TAF1: variants seen among roughly 807,000 people sequenced by gnomAD.
The protein encoded by TAF1 is TATA-box binding protein associated factor 1.
Under a neutral mutation model 138.5 loss-of-function variants are expected in TAF1, and 2 were observed. The ratio of observed to expected loss-of-function variants is 0.01; its 90% CI spans 0.01 to 0.05. TAF1 has a LOEUF of 0.05. Ranked by LOEUF, TAF1 falls within the 10% of genes least tolerant of loss-of-function variation. The probability of loss-of-function intolerance (pLI) is 1.00; values close to 1 mark genes in which losing one functional copy is unlikely to be tolerated. For synonymous variants in TAF1, 437 were observed against 503.2 expected (o/e 0.87, Z 1.76); for missense variants, 709 against 1,478.0 (o/e 0.48, Z 8.53).
intron 13 of TAF1, among the ~76,000 whole-genome samples, chrX:71,512,028 AAGG>A (rs1369163135): frequency 9.4e-6 from 1 of 106,093 alleles, no homozygotes; most frequent in Non-Finnish European, 1.9e-5. Flanking sequence ...AAAAAAAAAA[AAGG>A]GGGCTGGGCA....
intron 28 of TAF1, chrX:71,420,286 C>A: frequency 9.2e-7 from 1 of 1,082,313 alleles, no homozygotes. Context: ...ATTTGCCTTC[C>A]TCTAAATAGG....
chrX:71,478,322 C>T (rs1008303200), intron 13 of TAF1, among the ~76,000 whole-genome samples: 1 of 110,912 alleles, frequency 9.0e-6, no homozygotes, highest in Non-Finnish European at 1.9e-5. Context: ...CCACTGCACT[C>T]CAGCCTGGGC....
intron 25 of TAF1, among the ~76,000 whole-genome samples, chrX:71,404,487 G>A (rs1275331522): frequency 9.1e-6 from 1 of 110,398 alleles, no homozygotes; most frequent in Non-Finnish European, 1.9e-5. Flanking sequence ...ACAGGCACGT[G>A]CCACCTTGCC....
At chrX:71,408,628 C>T (rs1044528932) in intron 28 of TAF1, among the ~76,000 whole-genome samples, 53 of 111,816 alleles carry the variant, frequency 4.7e-4, no homozygotes, top group African/African-American at 1.7e-3. Flanking sequence ...CTTTTTATTC[C>T]CACTGTTTAA....
Position 71,465,686 on chromosome X carries a change from G to T in TAF1, c.*1640G>T, listed in dbSNP as rs1479182989. ...GCTCTTAGAGGAGTGATATAATCAG[G>T]TTTGTGTTTTAGAAATCTGTGTAAT... On this transcript the variant is annotated 3_prime_UTR_variant, in exon 38 of 38. Coordinates refer to ENST00000423759, the MANE Select transcript of TAF1 (RefSeq NM_004606.5). 1 of 112,148 alleles carries T rather than the reference G, an allele frequency of 8.9e-6. No individual in the cohort carries two copies. Among genetic ancestry groups the T allele is most frequent in the African/African-American group, 3.2e-5 (1 of 30,882 alleles). 9.2% of individuals were successfully genotyped at this position (112,148 alleles called of 1,213,427 possible).
chrX:71,416,448 G>A (rs958826919), intron 28 of TAF1, among the ~76,000 whole-genome samples: 148 of 105,552 alleles, frequency 1.4e-3, no homozygotes, highest in Non-Finnish European at 2.2e-3. Context: ...AGCCCACTAG[G>A]GGTTGCTCTC....
chrX:71,418,191 C>T (rs1333734832), intron 28 of TAF1, among the ~76,000 whole-genome samples: 2 of 111,732 alleles, frequency 1.8e-5, no homozygotes, highest in Admixed American at 9.5e-5. Flanking sequence ...CCTCCTGGGC[C>T]GAAGCAATCC....
At position 71,377,196 on chromosome X, in the gene TAF1, A is replaced by AT. The variant is rs1480149847; in HGVS notation, c.714+7dup. The AT allele has an allele frequency of 1.8e-5, 22 of 1,209,183 alleles. No homozygotes were observed. The highest frequency in any genetic ancestry group is 2.3e-5 in the Non-Finnish European group (21 of 894,790). ...CCAGAATTTCGACCTGGAAAGGTAC[A>AT]TTCTGTGGAGAATGCTCAGATTGCA... On this transcript the variant is annotated splice_donor_region_variant and intron_variant, in intron 5 of 37. Coordinates refer to ENST00000423759, the MANE Select transcript of TAF1 (RefSeq NM_004606.5).
chrX:71,464,457 C>T lies in TAF1; in HGVS notation c.*411C>T, dbSNP rs1000493672. ...TGGTGGCTCACACCTGTAATCTCAG[C>T]ACTCTGGGAGGCCGAGGCGGGCAGA... On this transcript the variant is annotated 3_prime_UTR_variant, in exon 38 of 38. Transcript: ENST00000423759. 3.2e-6 allele frequency: 1 copy of T among 311,021 alleles called. No individual in the cohort carries two copies. Among genetic ancestry groups the T allele is most frequent in the African/African-American group, 2.7e-5 (1 of 36,567 alleles). The allele number at this position is 311,021 out of a possible 1,213,427, so 25.6% of individuals were successfully genotyped here.
At chrX:71,440,884 A>T (rs1300575973) in intron 32 of TAF1, among the ~76,000 whole-genome samples, 3 of 110,481 alleles carry the variant, frequency 2.7e-5, no homozygotes, top group African/African-American at 9.9e-5. Flanking sequence ...GCATCTTTTC[A>T]TGTGCCATCT....
chrX:71,454,272 A>C, intron 33 of TAF1, 35 bp downstream of exon 33: 1 of 1,142,935 alleles, frequency 8.7e-7, no homozygotes. Context: ...AAGCCTGGGC[A>C]ACATAAGGAG....
chrX:71,499,102 A>G (rs2039448712), intron 13 of TAF1, among the ~76,000 whole-genome samples: 1 of 110,891 alleles, frequency 9.0e-6, no homozygotes, highest in South Asian at 3.9e-4. Flanking sequence ...TGCACCTTCC[A>G]GTGATTGGCT....
chrX:71,529,901 G>A (rs973394457), exon 15 of TAF1: 4 of 247,702 alleles, frequency 1.6e-5, no homozygotes, highest in African/African-American at 1.1e-4. Flanking sequence ...CATCTTTAAA[G>A]ACTGTTGGTG....
At chrX:71,428,011 AT>A (rs779199962) in intron 32 of TAF1, among the ~76,000 whole-genome samples, 16,104 of 74,094 alleles carry the variant, frequency 0.22, 1,731 homozygotes, top group East Asian at 0.39. Flanking sequence ...GATTAGCTCA[AT>A]TTTTTTTTTT....
intron 8 of TAF1, among the ~76,000 whole-genome samples, chrX:71,380,667 G>A (rs1441509678): frequency 3.6e-5 from 4 of 111,947 alleles, no homozygotes; most frequent in Non-Finnish European, 7.5e-5. Flanking sequence ...TAGAAAGCTG[G>A]ATTACTTTTA....
chrX:71,486,693 T>A (rs1306350926), intron 13 of TAF1, among the ~76,000 whole-genome samples: 2 of 110,896 alleles, frequency 1.8e-5, no homozygotes, highest in Non-Finnish European at 3.8e-5. Context: ...TTGCTGTAAG[T>A]CTAGTCAGAT....
chrX:71,487,317 A>ATTTTTTT (rs60691914), intron 13 of TAF1, among the ~76,000 whole-genome samples: 14 of 55,008 alleles, frequency 2.5e-4, no homozygotes, highest in East Asian at 5.6e-4. Flanking sequence ...TAATGTATGT[A>ATTTTTTT]TTTTTTTTTT....
chrX:71,432,949 A>G (rs2036963746), intron 32 of TAF1, among the ~76,000 whole-genome samples: 1 of 112,198 alleles, frequency 8.9e-6, no homozygotes. Flanking sequence ...TTATACAACA[A>G]TGATCCCATA....
chrX:71,409,791 C>G (rs1024528519), intron 28 of TAF1, among the ~76,000 whole-genome samples: 2 of 111,775 alleles, frequency 1.8e-5, no homozygotes, highest in Admixed American at 9.6e-5. Context: ...CAAAATATCC[C>G]TTATCATTTC....
Sources: allele counts gnomAD v4.1 joint callset (sites outside exome capture counted in the v4.1 genomes callset), GRCh38; gene constraint gnomAD v4.1.1; transcripts MANE v1.5; gene names NCBI Gene and HGNC (gene_info 2026-07-23, HGNC 2026-07-21).